Variants in URI1 observed in about 807,000 individuals in gnomAD.
URI1 encodes URI1 prefoldin like chaperone, also known as unconventional prefoldin RPB5 interactor 1.
In URI1, 39 loss-of-function variants were observed where a neutral mutation model predicts 60.2. The ratio of observed to expected loss-of-function variants is 0.65; its 90% CI spans 0.50 to 0.85. The LOEUF is 0.85. Among genes scored for constraint, URI1 ranks in the 40% least tolerant of loss-of-function variants. URI1 has a pLI of 0.00. For synonymous variants in URI1, 251 were observed against 236.8 expected (o/e 1.06, Z -0.55); for missense variants, 691 against 665.9 (o/e 1.04, Z -0.42).
chr19:29,934,089 C>T (rs943162068), intron 1 of URI1, among the ~76,000 whole-genome samples: 2 of 151,648 alleles, frequency 1.3e-5, no homozygotes, highest in Non-Finnish European at 2.9e-5. Flanking sequence ...GTGCCTGCCA[C>T]CACGCCCGGC....
intron 2 of URI1, 128 bp from the exon 3 acceptor site, chr19:29,985,094 TG>T: frequency 2.5e-6 from 2 of 791,052 alleles, no homozygotes; most frequent in South Asian, 4.0e-5. Flanking sequence ...CACTTTAGCC[TG>T]GGCGACGGAG....
chr19:29,997,640 C>G (rs1460634444), intron 4 of URI1, among the ~76,000 whole-genome samples: 1 of 151,866 alleles, frequency 6.6e-6, no homozygotes, highest in African/African-American at 2.4e-5. Flanking sequence ...AGTGAAGTTA[C>G]TGATTTGAAG....
At chr19:30,001,863 C>T (rs1490834270) in intron 4 of URI1, among the ~76,000 whole-genome samples, 1 of 151,622 alleles carries the variant, frequency 6.6e-6, no homozygotes, top group African/African-American at 2.4e-5. Flanking sequence ...GTTACTTTAC[C>T]TAAGGTATAG....
intron 1 of URI1, among the ~76,000 whole-genome samples, chr19:29,945,928 C>T (rs335032): frequency 0.025 from 3,796 of 151,910 alleles, 172 homozygotes; most frequent in African/African-American, 0.087. Context: ...TGGAATGTTA[C>T]TTTAATTGCA....
intron 2 of URI1, among the ~76,000 whole-genome samples, chr19:29,975,337 C>G (rs1271473108): frequency 6.6e-6 from 1 of 151,916 alleles, no homozygotes; most frequent in Non-Finnish European, 1.5e-5. Flanking sequence ...CAGTATATAT[C>G]TTTAAGAGAC....
chr19:29,976,645 A>C (rs545273030), intron 2 of URI1, among the ~76,000 whole-genome samples: 1 of 152,328 alleles, frequency 6.6e-6, no homozygotes, highest in South Asian at 2.1e-4. Context: ...TACACACACA[A>C]AAAGGAAGTC....
At chr19:29,961,613 A>C (rs899487073) in intron 1 of URI1, among the ~76,000 whole-genome samples, 1 of 149,792 alleles carries the variant, frequency 6.7e-6, no homozygotes, top group African/African-American at 2.5e-5. Flanking sequence ...GGTGATTTTG[A>C]GTAATGCTGC....
intron 1 of URI1, among the ~76,000 whole-genome samples, chr19:29,929,923 C>T (rs2054902130): frequency 6.6e-6 from 1 of 151,240 alleles, no homozygotes; most frequent in African/African-American, 2.4e-5. Flanking sequence ...TATCTTTTCA[C>T]TCTCTTGACA....
chr19:29,981,621 A>G (rs1256356973), intron 2 of URI1, among the ~76,000 whole-genome samples: 2 of 152,124 alleles, frequency 1.3e-5, no homozygotes, highest in African/African-American at 4.8e-5. Context: ...TGTATAAGGA[A>G]TGTTGCATGA....
intron 4 of URI1, among the ~76,000 whole-genome samples, chr19:30,002,691 G>T (rs1255598005): frequency 3.3e-5 from 5 of 151,620 alleles, no homozygotes. Context: ...TTTATTTTTT[G>T]GGGTGGGGGG....
chr19:30,015,708 A>G lies in URI1; in HGVS notation c.*639A>G. 2 of 918,280 alleles carry G rather than the reference A, an allele frequency of 2.2e-6. No individual in the cohort carries two copies. The highest frequency in any genetic ancestry group is 3.2e-6 in the Non-Finnish European group (2 of 619,714). The allele number at this position is 918,280 out of a possible 1,614,324, so 56.9% of individuals were successfully genotyped here. ...AAACTTTATGAAACTTGGTCTCAAA[A>G]ATGTTGTGAACTTTATGATTCAAAA... On this transcript the variant is annotated 3_prime_UTR_variant, in exon 11 of 11. Transcript: ENST00000392271.
intron 1 of URI1, among the ~76,000 whole-genome samples, chr19:29,958,252 A>G (rs2055276194): frequency 6.6e-6 from 1 of 151,876 alleles, no homozygotes; most frequent in Non-Finnish European, 1.5e-5. Flanking sequence ...GCCCTATTGT[A>G]TGGGCTAGAA....
intron 4 of URI1, among the ~76,000 whole-genome samples, chr19:29,991,729 A>G (rs1326404393): frequency 6.6e-6 from 1 of 152,158 alleles, no homozygotes; most frequent in East Asian, 1.9e-4. Context: ...AGTGTGTGTT[A>G]GCTGTAGGTT....
intron 1 of URI1, among the ~76,000 whole-genome samples, chr19:29,960,290 A>G (rs1324326107): frequency 3.9e-5 from 6 of 152,118 alleles, no homozygotes; most frequent in Non-Finnish European, 7.4e-5. Flanking sequence ...CTGTTAGTTC[A>G]GGCTGCTTGA....
At chr19:29,961,185 G>A (rs1568418221) in intron 1 of URI1, among the ~76,000 whole-genome samples, 1 of 150,626 alleles carries the variant, frequency 6.6e-6, no homozygotes, top group East Asian at 1.9e-4. Context: ...TAAGTATACA[G>A]TTCAGTGGCA....
chr19:29,944,238 A>G (rs1196532400), intron 1 of URI1, among the ~76,000 whole-genome samples: 1 of 138,142 alleles, frequency 7.2e-6, no homozygotes, highest in East Asian at 2.1e-4. Flanking sequence ...ACATTAATGT[A>G]TTTTTTTAAA....
chr19:29,985,351 A>AG, intron 3 of URI1, 50 bp downstream of exon 3: 1 of 1,471,104 alleles, frequency 6.8e-7, no homozygotes, highest in Non-Finnish European at 9.5e-7. Flanking sequence ...TTGTAAACAT[A>AG]TTAACTATGT....
At chr19:30,005,520 C>A in intron 5 of URI1, 68 bp downstream of exon 5, 1 of 1,487,398 alleles carries the variant, frequency 6.7e-7, no homozygotes, top group South Asian at 1.3e-5. Context: ...AGCTATCTTA[C>A]AGCCAAGGAA....
At position 29,942,284 on chromosome 19, in the gene URI1, C is replaced by A; in HGVS notation, c.-264C>A. ...CACGCGACGCCTGGCTGGGCCCGCACCGGAGAGGCGTCTCGGTACCTGGCA... is the reference window on the plus strand; with the variant it reads ...CACGCGACGCCTGGCTGGGCCCGCAACGGAGAGGCGTCTCGGTACCTGGCA... On this transcript the variant is annotated 5_prime_UTR_variant, in exon 1 of 11. Transcript: ENST00000392271. 1 of 985,136 alleles carries A rather than the reference C, an allele frequency of 1.0e-6. No individual in the cohort carries two copies. Among genetic ancestry groups the A allele is most frequent in the Non-Finnish European group, 1.2e-6 (1 of 829,668 alleles). 61.0% of individuals were successfully genotyped at this position (985,136 alleles called of 1,614,324 possible).
Sources: gnomAD v4.1 joint callset for allele counts (sites outside exome capture counted in the v4.1 genomes callset) on GRCh38, gnomAD v4.1.1 for gene constraint, MANE v1.5 for transcripts, NCBI Gene and HGNC (gene_info 2026-07-23, HGNC 2026-07-21) for gene names.